KANK4: variants seen among roughly 807,000 people sequenced by gnomAD.
KANK4 encodes the protein KN motif and ankyrin repeat domains 4.
In KANK4, 50 loss-of-function variants were observed where a neutral mutation model predicts 80.8. The ratio of observed to expected loss-of-function variants is 0.62; its 90% CI spans 0.49 to 0.78. The LOEUF (loss-of-function observed/expected upper bound fraction) is 0.78. Among genes scored for constraint, KANK4 ranks in the 30% least tolerant of loss-of-function variants. The pLI, the probability that KANK4 is intolerant of heterozygous loss-of-function variation, is 0.00. For missense variants in KANK4, 1,196 were observed against 1,240.1 expected, an observed-to-expected ratio of 0.96 and a Z score of 0.53; for synonymous variants, 465 against 506.9, an observed-to-expected ratio of 0.92 and a Z score of 1.11.
At chr1:62,242,359 C>T (rs1410220244) in intron 9 of KANK4, among the ~76,000 whole-genome samples, 29 of 60,034 alleles carry the variant, frequency 4.8e-4, no homozygotes, top group African/African-American at 2.3e-3. Flanking sequence ...GAGACCATAC[C>T]TCAAAAAAAA....
chr1:62,305,509 C>T (rs948065347), intron 1 of KANK4, among the ~76,000 whole-genome samples: 1 of 152,064 alleles, frequency 6.6e-6, no homozygotes, highest in Admixed American at 6.6e-5. Flanking sequence ...TGGGGTTTTG[C>T]CATGTTGGCC....
chr1:62,238,397 G>A lies in KANK4; in HGVS notation c.2884-16C>T, dbSNP rs1182463887. The A allele has an allele frequency of 6.2e-7, 1 of 1,608,784 alleles. No homozygotes were observed. The highest frequency in any genetic ancestry group is 1.7e-5 in the Admixed American group (1 of 59,970). ...TGCGGCCAGCCTACAGGAGAAAAAG[G>A]AAAGAAGAAATAAATATCATCCAAT... On this transcript the variant is annotated splice_polypyrimidine_tract_variant and intron_variant, in intron 9 of 9. Transcript: ENST00000371153.
intron 1 of KANK4, among the ~76,000 whole-genome samples, chr1:62,283,720 G>A (rs1211187187): frequency 6.6e-6 from 1 of 152,176 alleles, no homozygotes. Flanking sequence ...TGCAGAGGAG[G>A]GGGCCACTTG....
At chr1:62,249,177 T>G (rs199621120) in intron 8 of KANK4, among the ~76,000 whole-genome samples, 1 of 82,684 alleles carries the variant, frequency 1.2e-5, no homozygotes, top group African/African-American at 4.1e-5. Context: ...AAAAAAAAAT[T>G]AATATAACAA....
At chr1:62,268,141 C>A (rs1672069939) in intron 5 of KANK4, 146 bp downstream of exon 5, 2 of 706,250 alleles carry the variant, frequency 2.8e-6, no homozygotes, top group Non-Finnish European at 5.0e-6. Flanking sequence ...TCAACCAGTG[C>A]ACAGTGTGGG....
rs762302376 is a variant in KANK4 at position 62,273,805 on chromosome 1, T to C, written c.1299A>G (p.Glu433=). The C allele has an allele frequency of 5.6e-6, 9 of 1,614,146 alleles. No homozygotes were observed. Among genetic ancestry groups the C allele is most frequent in the Non-Finnish European group, 7.6e-6 (9 of 1,180,022 alleles). The stretch of plus-strand genomic sequence containing the variant: ...ACTCCATGCTGCCTAGAAGGTTGAC[T>C]TCAATGCCCTTATCACACGACTCCC... ...LTRESCDKGI[E]VNLLGSMESE... The change falls in exon 3 of 10, where the codon GAA becomes GAG. Residue 433 remains glutamate (E), a synonymous_variant. Transcript: ENST00000371153.
rs61623093 is a variant in KANK4 at position 62,273,289 on chromosome 1, G to C, written c.1815C>G (p.Ser605Arg). 1.3e-6 allele frequency: 2 copies of C among 1,589,834 alleles called. No homozygotes were observed. The highest frequency in any genetic ancestry group is 1.7e-5 in the Admixed American group (1 of 57,796). ...KLSSIQSQLLSSLNLLLSAYS... is the reference protein window; with the variant it reads ...KLSSIQSQLLRSLNLLLSAYS... ...AGGCCGACAGCAGCAGGTTGAGGGAGCTCAGCAGCTGGCTCTGGATGCTGC... is the reference window on the plus strand; with the variant it reads ...AGGCCGACAGCAGCAGGTTGAGGGACCTCAGCAGCTGGCTCTGGATGCTGC... The change falls in exon 3 of 10, where the codon AGC becomes AGG. Residue 605 changes from serine to arginine, a missense_variant. Ser to Arg is a moderately radical substitution (Grantham distance 110). Transcript: ENST00000371153.
At chr1:62,242,361 C>CAAAAAAAAAAAAAAAAA (rs57320794) in intron 9 of KANK4, among the ~76,000 whole-genome samples, 2 of 66,144 alleles carry the variant, frequency 3.0e-5, no homozygotes, top group African/African-American at 7.3e-5. Context: ...GACCATACCT[C>CAAAAAAAAAAAAAAAAA]AAAAAAAAAA....
intron 8 of KANK4, among the ~76,000 whole-genome samples, chr1:62,248,394 G>A (rs1211883571): frequency 6.6e-6 from 1 of 151,938 alleles, no homozygotes; most frequent in Non-Finnish European, 1.5e-5. Context: ...TTGAAGATGG[G>A]GTCTTGCTGT....
chr1:62,267,844 T>C (rs990795061), intron 5 of KANK4, among the ~76,000 whole-genome samples: 1 of 149,324 alleles, frequency 6.7e-6, no homozygotes, highest in African/African-American at 2.5e-5. Context: ...GCCAGCATGG[T>C]CAACAGGACA....
Position 62,274,600 on chromosome 1 carries a change from C to T in KANK4, c.504G>A (p.Thr168=), listed in dbSNP as rs766349274. The part of the protein sequence containing the change: ...QLLRASSMPA[T]LLHSRASEEP... ...CCTCAGAAGCCCTGCTGTGCAGCAG[C>T]GTGGCAGGCATGCTGGATGCTCTCA... The change falls in exon 3 of 10, where the codon ACG becomes ACA. Residue 168 remains threonine (T), a synonymous_variant. Coordinates refer to ENST00000371153, the MANE Select transcript of KANK4 (RefSeq NM_181712.5). 12 of 1,614,028 alleles carry T rather than the reference C, an allele frequency of 7.4e-6. No individual in the cohort carries two copies. Among genetic ancestry groups the T allele is most frequent in the African/African-American group, 6.7e-5 (5 of 75,058 alleles).
chr1:62,305,130 C>A (rs546432588), intron 1 of KANK4, among the ~76,000 whole-genome samples: 1 of 152,286 alleles, frequency 6.6e-6, no homozygotes, highest in Non-Finnish European at 1.5e-5. Context: ...TTGACCTTTC[C>A]TACGGCAGGA....
chr1:62,278,400 T>TATTTCTTTC (rs778724879), intron 2 of KANK4, among the ~76,000 whole-genome samples: 2 of 44,766 alleles, frequency 4.5e-5, no homozygotes, highest in African/African-American at 1.4e-4. Context: ...TTTCTTTCTT[T>TATTTCTTTC]TTTTTTTTTG....
At position 62,275,070 on chromosome 1, in the gene KANK4, G is replaced by A. The variant is rs1422115373; in HGVS notation, c.34C>T (p.Gln12Ter). 1 of 1,608,170 alleles carries A rather than the reference G, an allele frequency of 6.2e-7. No individual in the cohort carries two copies. The highest frequency in any genetic ancestry group is 2.2e-5 in the East Asian group (1 of 44,796). Reference sequence around the variant, plus strand: ...GGAGGGTCTTTCTCTTCATCCCCCTGAGAGGACTGGTCTTTGGCTGGGAGA... The same window carrying A: ...GGAGGGTCTTTCTCTTCATCCCCCTAAGAGGACTGGTCTTTGGCTGGGAGA... ...EKTDAKDQSS[Q>*]GDEEKDPPKS... Residue 12 changes from glutamine (Q) to a stop codon, truncating the protein, a stop_gained, in exon 3 of 10, where the codon CAG (glutamine) becomes TAG (stop). Transcript: ENST00000371153. LOFTEE classifies it high-confidence loss of function.
intron 6 of KANK4, among the ~76,000 whole-genome samples, chr1:62,264,715 C>G (rs1377468804): frequency 6.6e-6 from 1 of 152,214 alleles, no homozygotes; most frequent in Non-Finnish European, 1.5e-5. Flanking sequence ...GGCTGAAACA[C>G]TTTAATAAAT....
intron 9 of KANK4, among the ~76,000 whole-genome samples, chr1:62,243,208 G>T (rs1259007975): frequency 6.6e-6 from 1 of 152,166 alleles, no homozygotes; most frequent in Non-Finnish European, 1.5e-5. Context: ...CAGCCTGCCT[G>T]GTCCTCAGCC....
rs1317860919 is a variant in KANK4 at position 62,266,745 on chromosome 1, G to A, written c.2306C>T (p.Thr769Ile). 6.8e-6 allele frequency: 11 copies of A among 1,606,820 alleles called. No homozygotes were observed. The highest frequency in any genetic ancestry group is 1.7e-5 in the Admixed American group (1 of 59,998). ...SQHLPETGTT[T>I]DQLLRQSLNT... ...AAATTAGAGTACCAAGAGCTGGTCTGTGGTGGTCCCAGTTTCTGGCAGATG... is the reference window on the plus strand; with the variant it reads ...AAATTAGAGTACCAAGAGCTGGTCTATGGTGGTCCCAGTTTCTGGCAGATG... Residue 769 changes from threonine to isoleucine, a missense_variant, in exon 6 of 10, where the codon ACA (threonine) becomes ATA (isoleucine). Coordinates refer to ENST00000371153, the MANE Select transcript of KANK4 (RefSeq NM_181712.5).
intron 9 of KANK4, among the ~76,000 whole-genome samples, chr1:62,243,268 C>T (rs1347268529): frequency 1.3e-5 from 2 of 152,180 alleles, no homozygotes; most frequent in Admixed American, 1.3e-4. Flanking sequence ...GCTACCTAAA[C>T]CCACCTGGAT....
chr1:62,295,962 G>C (rs1190404413), intron 1 of KANK4, among the ~76,000 whole-genome samples: 1 of 152,040 alleles, frequency 6.6e-6, no homozygotes, highest in Non-Finnish European at 1.5e-5. Context: ...TCTGTCCTGG[G>C]TAAGTCCTTT....
Sources: gnomAD v4.1 joint callset for allele counts (sites outside exome capture counted in the v4.1 genomes callset) on GRCh38, gnomAD v4.1.1 for gene constraint, MANE v1.5 for transcripts, NCBI Gene and HGNC (gene_info 2026-07-23, HGNC 2026-07-21) for gene names.